CCDC73: variants seen among roughly 807,000 people sequenced by gnomAD.
The protein encoded by CCDC73 is coiled-coil domain containing 73, also known as coiled-coil domain-containing protein 73.
CCDC73 carries 95 observed loss-of-function variants against 116.5 expected under a neutral mutation model. The ratio of observed to expected loss-of-function variants is 0.82; its 90% CI spans 0.69 to 0.97. The LOEUF (loss-of-function observed/expected upper bound fraction) is 0.97. CCDC73 is among the 50% of genes least tolerant of loss of function. CCDC73 has a pLI of 0.00. For missense variants in CCDC73, 1,066 were observed against 1,206.8 expected (o/e 0.88, Z 1.73); for synonymous variants, 398 against 401.3 (o/e 0.99, Z 0.10).
chr11:32,810,887 T>C, the CCDC73 span, among the ~76,000 whole-genome samples: 1 of 152,022 alleles, frequency 6.6e-6, no homozygotes, highest in Non-Finnish European at 1.5e-5. Context: ...TCCCAGCACT[T>C]TGGGAGGCCG....
At chr11:32,733,323 G>T (rs1850096912) in intron 2 of CCDC73, among the ~76,000 whole-genome samples, 1 of 152,176 alleles carries the variant, frequency 6.6e-6, no homozygotes, top group South Asian at 2.1e-4. Context: ...AATAATGGGA[G>T]ACTTTAACAC....
At chr11:32,736,249 G>T (rs1397433488) in intron 2 of CCDC73, among the ~76,000 whole-genome samples, 3 of 152,058 alleles carry the variant, frequency 2.0e-5, no homozygotes, top group Non-Finnish European at 4.4e-5. Flanking sequence ...GAAAATTTTT[G>T]CAATCTACTC....
chr11:32,640,315 T>C (rs1855721175), intron 13 of CCDC73, among the ~76,000 whole-genome samples: 1 of 152,312 alleles, frequency 6.6e-6, no homozygotes, highest in South Asian at 2.1e-4. Context: ...TTATTTTTCT[T>C]AATAGTTTTC....
At chr11:32,763,095 C>A (rs1850406605) in intron 1 of CCDC73, among the ~76,000 whole-genome samples, 2 of 152,226 alleles carry the variant, frequency 1.3e-5, no homozygotes, top group Admixed American at 1.3e-4. Flanking sequence ...AACAAAGCAG[C>A]CAGGAAACCC....
intron 6 of CCDC73, among the ~76,000 whole-genome samples, chr11:32,694,182 A>T (rs544085362): frequency 6.6e-6 from 1 of 152,348 alleles, no homozygotes; most frequent in South Asian, 2.1e-4. Context: ...TCTCAGCCCA[A>T]AATCTCCTTA....
At chr11:32,658,598 C>T (rs1855894826) in intron 9 of CCDC73, among the ~76,000 whole-genome samples, 1 of 152,146 alleles carries the variant, frequency 6.6e-6, no homozygotes, top group African/African-American at 2.4e-5. Flanking sequence ...ATACCAAGTA[C>T]CTCCTGTGTG....
chr11:32,648,269 G>A (rs543291953), intron 12 of CCDC73, among the ~76,000 whole-genome samples: 1 of 152,210 alleles, frequency 6.6e-6, no homozygotes, highest in Non-Finnish European at 1.5e-5. Context: ...TGTCCATCTG[G>A]TTCCCACTTT....
At chr11:32,629,084 T>G (rs989050316) in intron 14 of CCDC73, among the ~76,000 whole-genome samples, 1 of 152,016 alleles carries the variant, frequency 6.6e-6, no homozygotes, top group Non-Finnish European at 1.5e-5. Flanking sequence ...ACAAATGAAC[T>G]TCAGGACATA....
At chr11:32,625,031 T>C (rs1357350000) in intron 14 of CCDC73, among the ~76,000 whole-genome samples, 1 of 152,240 alleles carries the variant, frequency 6.6e-6, no homozygotes, top group Non-Finnish European at 1.5e-5. Flanking sequence ...TACCATTATG[T>C]AATGGCCTTC....
At chr11:32,721,870 T>G (rs1849993125) in intron 2 of CCDC73, among the ~76,000 whole-genome samples, 1 of 152,190 alleles carries the variant, frequency 6.6e-6, no homozygotes, top group African/African-American at 2.4e-5. Flanking sequence ...GTGCTGGGAT[T>G]ACAAGCATGA....
At chr11:32,701,143 A>G (rs1384900631) in intron 4 of CCDC73, among the ~76,000 whole-genome samples, 3 of 152,084 alleles carry the variant, frequency 2.0e-5, no homozygotes, top group Non-Finnish European at 4.4e-5. Flanking sequence ...AGCACACACC[A>G]CCACACCCAG....
intron 9 of CCDC73, among the ~76,000 whole-genome samples, chr11:32,656,506 C>CA (rs1435704078): frequency 1.3e-5 from 2 of 152,014 alleles, no homozygotes; most frequent in African/African-American, 2.4e-5. Flanking sequence ...TTAGTTATCA[C>CA]AAAAAAACAA....
chr11:32,701,917 A>G (rs1186665567), intron 4 of CCDC73, among the ~76,000 whole-genome samples: 1 of 152,190 alleles, frequency 6.6e-6, no homozygotes, highest in Non-Finnish European at 1.5e-5. Context: ...AAAGAACCCA[A>G]GAGCACTTTC....
At chr11:32,828,909 C>G in the CCDC73 span, among the ~76,000 whole-genome samples, 1 of 152,114 alleles carries the variant, frequency 6.6e-6, no homozygotes, top group Non-Finnish European at 1.5e-5. Context: ...ATCAAGATTT[C>G]AAGATAATTA....
At chr11:32,696,351 T>C (rs1280245464) in intron 6 of CCDC73, among the ~76,000 whole-genome samples, 1 of 152,126 alleles carries the variant, frequency 6.6e-6, no homozygotes, top group Non-Finnish European at 1.5e-5. Flanking sequence ...TCTATATAGG[T>C]CCAGTGTGCT....
chr11:32,737,942 C>A (rs1307852835), intron 2 of CCDC73, among the ~76,000 whole-genome samples: 1 of 152,120 alleles, frequency 6.6e-6, no homozygotes, highest in Non-Finnish European at 1.5e-5. Context: ...TGAGGACATG[C>A]AAAGTTTATC....
At chr11:32,670,916 T>C (rs2133282617) in intron 9 of CCDC73, among the ~76,000 whole-genome samples, 1 of 152,314 alleles carries the variant, frequency 6.6e-6, no homozygotes, top group East Asian at 1.9e-4. Flanking sequence ...TCTTACATCT[T>C]TCTTTTTCTT....
At chr11:32,795,572 T>A (rs1043797517), upstream of CCDC73, among the ~76,000 whole-genome samples, 5 of 152,140 alleles carry the variant, frequency 3.3e-5, no homozygotes, top group Admixed American at 2.6e-4. Flanking sequence ...AGCACCTAAC[T>A]AATGCTATGT....
rs539930769 is a variant in CCDC73, at chr11:32,780,370, G to GA, written c.-16+14242dup. The stretch of plus-strand genomic sequence containing the variant: ...AATAAGAGTACTGTGCTAGTAAAAA[G>GA]AAAAAAAATTGTAAAAGAGGCATTC... On this transcript the variant is annotated intron_variant, in intron 1 of 17. Coordinates refer to ENST00000335185, the MANE Select transcript of CCDC73 (RefSeq NM_001008391.4). 1.3e-4 allele frequency among the ~76,000 whole-genome samples: 20 copies of GA among 151,544 alleles called. No homozygotes were observed. In the East Asian group the frequency reaches 3.5e-3, roughly 26 times the overall value.
Sources: gnomAD v4.1 joint callset for allele counts (sites outside exome capture counted in the v4.1 genomes callset) on GRCh38, gnomAD v4.1.1 for gene constraint, MANE v1.5 for transcripts, NCBI Gene and HGNC (gene_info 2026-07-23, HGNC 2026-07-21) for gene names.